LUZP2: variants seen among roughly 807,000 people sequenced by gnomAD.
LUZP2 encodes leucine zipper protein 2.
In LUZP2, 52 loss-of-function variants were observed where a neutral mutation model predicts 51.6. The ratio of observed to expected loss-of-function variants is 1.01; its 90% CI spans 0.81 to 1.27. The LOEUF (loss-of-function observed/expected upper bound fraction) is 1.27. Ranked by LOEUF, LUZP2 falls within the 50% of genes most tolerant of loss-of-function variation. The probability of loss-of-function intolerance (pLI) is 0.00; values close to 1 mark genes in which losing one functional copy is unlikely to be tolerated. For synonymous variants in LUZP2, 154 were observed against 137.3 expected (o/e 1.12, Z -0.85); for missense variants, 436 against 395.4 (o/e 1.10, Z -0.87).
chr11:25,027,767 A>C (rs965653865), intron 9 of LUZP2, among the ~76,000 whole-genome samples: 38 of 151,654 alleles, frequency 2.5e-4, no homozygotes, highest in South Asian at 1.7e-3. Flanking sequence ...GCAACTCGGG[A>C]GGCTGAGGCA....
intron 1 of LUZP2, among the ~76,000 whole-genome samples, chr11:24,608,817 A>G (rs190942859): frequency 4.8e-4 from 73 of 152,336 alleles, no homozygotes; most frequent in African/African-American, 1.7e-3. Context: ...CCAAATAATT[A>G]CATTATAAAA....
chr11:25,076,382 T>C (rs141781554), intron 10 of LUZP2, among the ~76,000 whole-genome samples: 47 of 152,226 alleles, frequency 3.1e-4, no homozygotes, highest in African/African-American at 1.1e-3. Flanking sequence ...GGCTCTGCCT[T>C]GCACGTGGAA....
At chr11:24,940,916 A>G (rs1337214134) in intron 7 of LUZP2, among the ~76,000 whole-genome samples, 1 of 152,200 alleles carries the variant, frequency 6.6e-6, no homozygotes, top group Non-Finnish European at 1.5e-5. Flanking sequence ...CAGCAAATGT[A>G]GTTGCCTTCA....
In LUZP2 at chr11:25,078,647, A is replaced by C. The variant is rs766606090; in HGVS notation, c.1030A>C (p.Lys344Gln). 1 of 1,602,946 alleles carries C rather than the reference A, an allele frequency of 6.2e-7. No individual in the cohort carries two copies. ...SFEGMAAREE[K>Q]IL is the part of the protein sequence containing the mutation. Reference sequence around the variant, plus strand: ...TGAAGGGATGGCAGCTAGAGAAGAAAAAATACTGTAAATACTAAGAAACTG... The same window carrying C: ...TGAAGGGATGGCAGCTAGAGAAGAACAAATACTGTAAATACTAAGAAACTG... Residue 344 changes from lysine to glutamine, a missense_variant, in exon 12 of 12, where the codon AAA (lysine) becomes CAA (glutamine). Physicochemically the swap from Lys to Gln is moderately conservative, Grantham distance 53. Coordinates refer to ENST00000336930, the MANE Select transcript of LUZP2 (RefSeq NM_001009909.4).
At chr11:24,694,204 G>T (rs1210935806) in intron 1 of LUZP2, among the ~76,000 whole-genome samples, 1 of 151,950 alleles carries the variant, frequency 6.6e-6, no homozygotes, top group Non-Finnish European at 1.5e-5. Context: ...GTTGCTCACT[G>T]CTTGGCCCAT....
intron 7 of LUZP2, among the ~76,000 whole-genome samples, chr11:24,952,197 C>T (rs1488444574): frequency 3.3e-5 from 5 of 151,424 alleles, no homozygotes; most frequent in African/African-American, 1.2e-4. Context: ...GTTATCATCG[C>T]CATCGTTATT....
intron 1 of LUZP2, among the ~76,000 whole-genome samples, chr11:24,500,638 C>T (rs1186814805): frequency 4.6e-5 from 7 of 152,036 alleles, no homozygotes; most frequent in African/African-American, 9.7e-5. Context: ...TGTTCCTTTA[C>T]GCTGTGGTTA....
rs142442365 is a variant in LUZP2 at position 24,908,610 on chromosome 11, A to G, written c.459+2557A>G. On this transcript the variant is annotated intron_variant, in intron 6 of 11. Transcript: ENST00000336930. ...CTTTTCAAAATGTTGCTAACAAGTT[A>G]AATAAAACGATCTAAGTGTTAGCTG... Among the ~76,000 whole-genome samples the G allele has an allele frequency of 3.3e-3, 504 of 152,282 alleles. 4 individuals carry two copies. The highest frequency in any genetic ancestry group is 0.011 in the African/African-American group (470 of 41,566).
chr11:24,982,624 G>A (rs10834563), intron 8 of LUZP2, among the ~76,000 whole-genome samples: 58,804 of 151,496 alleles, frequency 0.39, 13,694 homozygotes, highest in East Asian at 0.68. Flanking sequence ...TGAGAGAAGG[G>A]AGAAGAGTAG....
chr11:24,557,511 G>C (rs1346187718), intron 1 of LUZP2, among the ~76,000 whole-genome samples: 1 of 152,056 alleles, frequency 6.6e-6, no homozygotes, highest in African/African-American at 2.4e-5. Context: ...GCATAAATGA[G>C]TGGACAAACT....
intron 1 of LUZP2, among the ~76,000 whole-genome samples, chr11:24,576,801 A>G (rs1852668250): frequency 6.6e-6 from 1 of 152,148 alleles, no homozygotes; most frequent in Non-Finnish European, 1.5e-5. Flanking sequence ...AAAAGTGGTA[A>G]ATGCACTTAA....
At chr11:24,989,282 TC>T (rs144357560) in intron 9 of LUZP2, among the ~76,000 whole-genome samples, 4,060 of 151,954 alleles carry the variant, frequency 0.027, 204 homozygotes, top group African/African-American at 0.093. Context: ...TCAATTATGC[TC>T]CCCGCAGTGG....
chr11:24,500,913 G>A (rs554915571), intron 1 of LUZP2, among the ~76,000 whole-genome samples: 12 of 152,216 alleles, frequency 7.9e-5, no homozygotes, highest in South Asian at 4.1e-4. Context: ...TATTTGTTCC[G>A]TGAATTAAAC....
intron 7 of LUZP2, among the ~76,000 whole-genome samples, chr11:24,960,410 T>G (rs1366739744): frequency 2.0e-5 from 3 of 152,186 alleles, no homozygotes; most frequent in South Asian, 4.1e-4. Context: ...AGCTATTGAT[T>G]ATTGCCTCAA....
intron 9 of LUZP2, among the ~76,000 whole-genome samples, chr11:25,029,178 G>A (rs1445932069): frequency 1.3e-5 from 2 of 152,098 alleles, no homozygotes; most frequent in African/African-American, 4.8e-5. Context: ...GATAGCACAA[G>A]AGGGTGACTA....
intron 5 of LUZP2, among the ~76,000 whole-genome samples, chr11:24,879,180 G>A (rs1282819239): frequency 2.6e-5 from 4 of 151,986 alleles, no homozygotes; most frequent in African/African-American, 4.8e-5. Flanking sequence ...TCCTGACCTC[G>A]TGATCCACCC....
At chr11:24,504,410 G>T (rs914077866) in intron 1 of LUZP2, among the ~76,000 whole-genome samples, 3 of 152,138 alleles carry the variant, frequency 2.0e-5, no homozygotes, top group Non-Finnish European at 4.4e-5. Context: ...ACATTTTTAG[G>T]TTCAGATGGT....
In LUZP2 at chr11:24,995,434, T is replaced by A. The variant is rs1201519201; in HGVS notation, c.765+12141T>A. On this transcript the variant is annotated intron_variant, in intron 9 of 11. Coordinates refer to ENST00000336930, the MANE Select transcript of LUZP2 (RefSeq NM_001009909.4). ...AAAGCTAATAACATATATTTATGCA[T>A]ATGAAATTGAGAAAAAATGCTCTTT... Among the ~76,000 whole-genome samples, 3 of 152,162 alleles carry A rather than the reference T, an allele frequency of 2.0e-5. No homozygotes were observed. In the East Asian group the frequency reaches 5.8e-4, roughly 29 times the overall value.
chr11:24,824,020 G>A lies in LUZP2; in HGVS notation c.396+60712G>A, dbSNP rs370256090. Among the ~76,000 whole-genome samples, 496 of 150,456 alleles carry A rather than the reference G, an allele frequency of 3.3e-3. 2 individuals carry two copies. The highest frequency in any genetic ancestry group is 5.4e-3 in the Non-Finnish European group (364 of 67,530). On this transcript the variant is annotated intron_variant, in intron 5 of 11. Coordinates refer to ENST00000336930, the MANE Select transcript of LUZP2 (RefSeq NM_001009909.4). Reference sequence around the variant, plus strand: ...AGAGGTTGCAGTGAGCCAAGATCACGCCACTGCACTCCAGCCTGGGCGACA... The same window carrying A: ...AGAGGTTGCAGTGAGCCAAGATCACACCACTGCACTCCAGCCTGGGCGACA...
Sources: allele counts gnomAD v4.1 joint callset (sites outside exome capture counted in the v4.1 genomes callset), GRCh38; gene constraint gnomAD v4.1.1; transcripts MANE v1.5; gene names NCBI Gene and HGNC (gene_info 2026-07-23, HGNC 2026-07-21).